Variants in CCDC14 observed in about 807,000 individuals in gnomAD.
The protein encoded by CCDC14 is coiled-coil domain-containing protein 14.
A neutral mutation model predicts 81.4 loss-of-function variants in CCDC14; 71 were observed. That is an observed-to-expected ratio of 0.87 (90% CI 0.72 to 1.06). The LOEUF is 1.06. Among genes scored for constraint, CCDC14 ranks in the 50% least tolerant of loss-of-function variants. The pLI is 0.00. For synonymous variants in CCDC14, 332 were observed against 364.8 expected (o/e 0.91, Z 1.03); for missense variants, 1,046 against 1,047.3 (o/e 1.00, Z 0.02).
At chr3:123,928,438 G>A (rs773355893) in intron 12 of CCDC14, among the ~76,000 whole-genome samples, 3 of 151,698 alleles carry the variant, frequency 2.0e-5, no homozygotes, top group Non-Finnish European at 4.4e-5. Flanking sequence ...CACAGGAGGC[G>A]GAGCTTGCAG....
intron 9 of CCDC14, among the ~76,000 whole-genome samples, chr3:123,939,576 T>C (rs2148891731): frequency 6.6e-6 from 1 of 151,858 alleles, no homozygotes; most frequent in East Asian, 1.9e-4. Flanking sequence ...TGTTCTGTTC[T>C]CTTTTTTCAG....
chr3:123,889,619 G>A, the CCDC14 span, among the ~76,000 whole-genome samples: 1 of 152,234 alleles, frequency 6.6e-6, no homozygotes, highest in Non-Finnish European at 1.5e-5. Flanking sequence ...TATAGCCCCT[G>A]TGGCTACTTT....
At chr3:123,903,297 A>AACACACACACACACACAC (rs57466490) in intron 5 of CCDC14, among the ~76,000 whole-genome samples, 9 of 144,210 alleles carry the variant, frequency 6.2e-5, no homozygotes, top group African/African-American at 2.4e-4. Context: ...TTATTTTTCA[A>AACACACACACACACACAC]ACACACACAC....
chr3:123,932,637 G>A lies in CCDC14; in HGVS notation c.1426+1036C>T, dbSNP rs140988389. ...TGAGTCTTTGTCAGGCTTAGGAAAA[G>A]TTCCCCTCCAAAAAAATAAAAAAAT... On this transcript the variant is annotated intron_variant, in intron 10 of 12. Transcript: ENST00000409697. Among the ~76,000 whole-genome samples the A allele has an allele frequency of 5.7e-3, 872 of 152,046 alleles. 6 individuals carry two copies. Among genetic ancestry groups the A allele is most frequent in the African/African-American group, 0.019 (809 of 41,490 alleles).
chr3:123,956,274 T>C, intron 3 of CCDC14, 81 bp downstream of exon 3: 1 of 1,254,182 alleles, frequency 8.0e-7, no homozygotes, highest in Non-Finnish European at 1.1e-6. Flanking sequence ...GAGCAATTAA[T>C]ACTTTGCATT....
chr3:123,901,576 A>G (rs1487249963), intron 5 of CCDC14, among the ~76,000 whole-genome samples: 1 of 152,178 alleles, frequency 6.6e-6, no homozygotes, highest in African/African-American at 2.4e-5. Context: ...TTTTAAGTTG[A>G]AGAAAAATAT....
At chr3:123,945,112 ATTAT>A in intron 8 of CCDC14, 122 bp from the exon 9 acceptor site, 1 of 508,794 alleles carries the variant, frequency 2.0e-6, no homozygotes, top group Non-Finnish European at 3.2e-6. Flanking sequence ...ATTCAACTCA[ATTAT>A]TTATAAATTT....
At chr3:123,929,552 C>T (rs944600464) in intron 12 of CCDC14, among the ~76,000 whole-genome samples, 2 of 152,164 alleles carry the variant, frequency 1.3e-5, no homozygotes, top group African/African-American at 2.4e-5. Context: ...ATCCACCCAC[C>T]TCGGCCTCCC....
intron 5 of CCDC14, among the ~76,000 whole-genome samples, chr3:123,951,882 A>T (rs1041575523): frequency 6.6e-6 from 1 of 152,188 alleles, no homozygotes; most frequent in Non-Finnish European, 1.5e-5. Flanking sequence ...AGTCCACACA[A>T]ATCTCTACGG....
At chr3:123,931,007 T>C (rs1433234727) in intron 12 of CCDC14, 95 bp downstream of exon 12, 5 of 1,031,840 alleles carry the variant, frequency 4.8e-6, no homozygotes, top group Non-Finnish European at 6.8e-6. Context: ...GAGAAAAAGA[T>C]ATGGGGGAGA....
intron 12 of CCDC14, among the ~76,000 whole-genome samples, chr3:123,920,148 T>G (rs1455398628): frequency 6.6e-6 from 1 of 151,986 alleles, no homozygotes; most frequent in Non-Finnish European, 1.5e-5. Context: ...ACTTCAATAG[T>G]ATACTTGATC....
intron 2 of CCDC14, 120 bp from the exon 3 acceptor site, chr3:123,956,547 T>C: frequency 1.3e-6 from 1 of 788,152 alleles, no homozygotes; most frequent in East Asian, 2.7e-5. Flanking sequence ...GATGAATTTA[T>C]AAACACATTC....
At chr3:123,896,788 G>T (rs749344324), downstream of CCDC14, among the ~76,000 whole-genome samples, 17 of 152,076 alleles carry the variant, frequency 1.1e-4, no homozygotes, top group Non-Finnish European at 1.6e-4. Context: ...CTGATTTTCT[G>T]TACTTTAAAT....
chr3:123,911,836 C>T (rs1319647762), downstream of CCDC14, among the ~76,000 whole-genome samples: 2 of 152,174 alleles, frequency 1.3e-5, no homozygotes, highest in East Asian at 3.9e-4. Context: ...TTTTACAATG[C>T]TGCCCTACTT....
At chr3:123,898,884 G>T (rs142764047) in intron 5 of CCDC14, among the ~76,000 whole-genome samples, 52 of 139,588 alleles carry the variant, frequency 3.7e-4, no homozygotes, top group African/African-American at 1.1e-3. Flanking sequence ...TTGTTTGGTT[G>T]TTTTTTTTTT....
At chr3:123,918,560 G>A (rs2034844892) in intron 12 of CCDC14, among the ~76,000 whole-genome samples, 1 of 152,050 alleles carries the variant, frequency 6.6e-6, no homozygotes, top group South Asian at 2.1e-4. Context: ...TGCATTACAG[G>A]GTTAAAAGGA....
At chr3:123,889,416 A>T in the CCDC14 span, among the ~76,000 whole-genome samples, 15 of 151,396 alleles carry the variant, frequency 9.9e-5, no homozygotes, top group Admixed American at 3.3e-4. Context: ...AATCTCAAAT[A>T]AAAAAAAGGG....
intron 10 of CCDC14, among the ~76,000 whole-genome samples, chr3:123,932,751 A>G (rs1234087530): frequency 6.6e-6 from 1 of 152,264 alleles, no homozygotes; most frequent in East Asian, 1.9e-4. Context: ...ATCTGTCACA[A>G]TTGCAACTGT....
intron 12 of CCDC14, among the ~76,000 whole-genome samples, chr3:123,925,955 C>CTACAACACAAAAATATGCTGGAGAAACA (rs2035335882): frequency 6.6e-6 from 1 of 152,048 alleles, no homozygotes; most frequent in East Asian, 1.9e-4. Flanking sequence ...TGAGTTGTTA[C>CTACAACACAAAAATATGCTGGAGAAACA]TACAACACAA....
Sources: allele counts gnomAD v4.1 joint callset (sites outside exome capture counted in the v4.1 genomes callset), GRCh38; gene constraint gnomAD v4.1.1; transcripts MANE v1.5; gene names NCBI Gene and HGNC (gene_info 2026-07-23, HGNC 2026-07-21).